PDE1C: variants seen among roughly 807,000 people sequenced by gnomAD.
PDE1C encodes dual specificity calcium/calmodulin-dependent 3',5'-cyclic nucleotide phosphodiesterase 1C.
In PDE1C, 62 loss-of-function variants were observed where a neutral mutation model predicts 93.1. The observed-to-expected ratio is 0.67, with a 90% CI of 0.54 to 0.82. The LOEUF (loss-of-function observed/expected upper bound fraction) is 0.82. Among genes scored for constraint, PDE1C ranks in the 40% least tolerant of loss-of-function variants. The pLI, the probability that PDE1C is intolerant of heterozygous loss-of-function variation, is 0.00. For missense variants in PDE1C, 742 were observed against 884.6 expected (o/e 0.84, Z 2.04); for synonymous variants, 325 against 310.1 (o/e 1.05, Z -0.50).
the PDE1C span, among the ~76,000 whole-genome samples, chr7:31,722,790 A>G: frequency 6.6e-6 from 1 of 152,072 alleles, no homozygotes; most frequent in Non-Finnish European, 1.5e-5. Flanking sequence ...AAGCAGGGGG[A>G]TGGTATGAGA....
chr7:31,751,138 C>T (rs2128591503), downstream of PDE1C: 2 of 152,262 alleles, frequency 1.3e-5, no homozygotes, highest in Middle Eastern at 3.4e-3. Flanking sequence ...CATCTAACAT[C>T]CCGGAATTTC....
At chr7:32,394,455 T>G (rs1001105785) in intron 1 of PDE1C, among the ~76,000 whole-genome samples, 1 of 152,152 alleles carries the variant, frequency 6.6e-6, no homozygotes, top group Non-Finnish European at 1.5e-5. Flanking sequence ...AATGGCTGGG[T>G]GCCATTCTCA....
intron 1 of PDE1C, among the ~76,000 whole-genome samples, chr7:32,218,963 G>T (rs2128852266): frequency 6.6e-6 from 1 of 152,290 alleles, no homozygotes; most frequent in Admixed American, 6.5e-5. Context: ...TCCTCAGGTA[G>T]CCAGGAATCC....
At chr7:31,724,295 T>G in the PDE1C span, among the ~76,000 whole-genome samples, 1 of 152,140 alleles carries the variant, frequency 6.6e-6, no homozygotes, top group Admixed American at 6.5e-5. Flanking sequence ...TCTCCTGAAA[T>G]TTTAGTGTCT....
At chr7:32,150,079 A>C (rs945794824) in intron 3 of PDE1C, among the ~76,000 whole-genome samples, 1 of 152,196 alleles carries the variant, frequency 6.6e-6, no homozygotes, top group African/African-American at 2.4e-5. Context: ...TCAACAGTCT[A>C]ACCTGATGCC....
At chr7:32,206,717 C>T (rs1338523149) in intron 2 of PDE1C, among the ~76,000 whole-genome samples, 1 of 152,246 alleles carries the variant, frequency 6.6e-6, no homozygotes, top group Non-Finnish European at 1.5e-5. Flanking sequence ...AGGTATTCTT[C>T]TAGCTCACCC....
intron 1 of PDE1C, among the ~76,000 whole-genome samples, chr7:32,317,269 A>C (rs1783194596): frequency 6.6e-6 from 1 of 152,172 alleles, no homozygotes; most frequent in African/African-American, 2.4e-5. Context: ...TTTGGGATCT[A>C]TACCGTGGTC....
chr7:31,883,368 C>A (rs1797481594), intron 2 of PDE1C, among the ~76,000 whole-genome samples: 1 of 152,254 alleles, frequency 6.6e-6, no homozygotes, highest in Middle Eastern at 3.4e-3. Flanking sequence ...TTAACTAACT[C>A]AAACTGTACC....
intron 2 of PDE1C, among the ~76,000 whole-genome samples, chr7:32,041,671 C>T (rs1344609568): frequency 1.3e-5 from 2 of 152,158 alleles, no homozygotes; most frequent in Non-Finnish European, 2.9e-5. Context: ...GATCACATCG[C>T]TTCAAAGCAC....
rs1794233680 is a variant in PDE1C, at chr7:31,753,405, TG to T, written c.2108del (p.Ser703TyrfsTer54). ...CGGCCTATTTTCTGTTCCAGTTATG[TG>T]AGATGTTCTGAATCTTTTTCATTTT... ...RIKMKKIQNI[S>X]HNWNRK On this transcript the variant is annotated frameshift_variant, in exon 18 of 18. Transcript: ENST00000396191. LOFTEE classifies it high-confidence loss of function. 6.2e-7 allele frequency: 1 copy of T among 1,612,122 alleles called. No individual in the cohort carries two copies. Among genetic ancestry groups the T allele is most frequent in the African/African-American group, 1.3e-5 (1 of 74,914 alleles).
At chr7:32,387,518 T>A (rs1376047091) in intron 1 of PDE1C, among the ~76,000 whole-genome samples, 3 of 106,198 alleles carry the variant, frequency 2.8e-5, no homozygotes, top group African/African-American at 7.7e-5. Context: ...CCCCCCCACC[T>A]CCCTCCCGGA....
At chr7:31,637,006 A>G in the PDE1C span, among the ~76,000 whole-genome samples, 2 of 150,880 alleles carry the variant, frequency 1.3e-5, no homozygotes, top group Non-Finnish European at 2.9e-5. Context: ...CATCCTTGCG[A>G]TAGTTTGCTG....
intron 3 of PDE1C, among the ~76,000 whole-genome samples, chr7:32,157,515 A>G (rs979741879): frequency 3.5e-5 from 5 of 141,664 alleles, no homozygotes; most frequent in Non-Finnish European, 4.6e-5. Flanking sequence ...CATGACAACT[A>G]AAGGTGATGT....
Position 32,341,266 on chromosome 7 carries a change from C to T in PDE1C, c.310+86556G>A, listed in dbSNP as rs547405742. 4.9e-5 allele frequency among the ~76,000 whole-genome samples: 7 copies of T among 141,728 alleles called. No homozygotes were observed. The Admixed American group carries it at 5.0e-4, about 10-fold the overall frequency. 93.0% of individuals were successfully genotyped at this position (141,728 alleles called of 152,430 possible). On this transcript the variant is annotated intron_variant, in intron 1 of 1. Coordinates refer to the PDE1C transcript ENST00000672256. ...TCTCGGCTCACTGCAAGCTCCGCCT[C>T]CCGGGTTCACGCCATTCTCCTGCCT...
At chr7:32,060,614 T>A (rs1330525451) in intron 1 of PDE1C, among the ~76,000 whole-genome samples, 1 of 152,198 alleles carries the variant, frequency 6.6e-6, no homozygotes, top group Non-Finnish European at 1.5e-5. Context: ...TCAACTGAAA[T>A]CAGATGAGCA....
chr7:31,782,085 A>G (rs542130339), intron 16 of PDE1C, among the ~76,000 whole-genome samples: 90 of 152,354 alleles, frequency 5.9e-4, no homozygotes, highest in African/African-American at 2.1e-3. Flanking sequence ...TGCTATTTAC[A>G]ACTGCAAAAA....
intron 2 of PDE1C, among the ~76,000 whole-genome samples, chr7:32,203,440 A>G (rs73689068): frequency 0.049 from 7,467 of 151,822 alleles, 238 homozygotes; most frequent in African/African-American, 0.087. Context: ...CGATCACCCC[A>G]CTGCACATCT....
chr7:31,685,943 G>A, the PDE1C span, among the ~76,000 whole-genome samples: 1 of 152,136 alleles, frequency 6.6e-6, no homozygotes, highest in African/African-American at 2.4e-5. Context: ...CTAACCCTAG[G>A]AGTCAACCTC....
At chr7:32,208,826 T>C (rs1387952627) in intron 2 of PDE1C, among the ~76,000 whole-genome samples, 5 of 152,152 alleles carry the variant, frequency 3.3e-5, no homozygotes, top group Non-Finnish European at 2.9e-5. Flanking sequence ...CTCCTACTCA[T>C]AGGGATCAAG....
Sources: allele counts gnomAD v4.1 joint callset (sites outside exome capture counted in the v4.1 genomes callset), GRCh38; gene constraint gnomAD v4.1.1; transcripts MANE v1.5; gene names NCBI Gene and HGNC (gene_info 2026-07-23, HGNC 2026-07-21).